Variants in STXBP6 observed in about 807,000 individuals in gnomAD.
The protein encoded by STXBP6 is syntaxin binding protein 6.
In STXBP6, 21 loss-of-function variants were observed where a neutral mutation model predicts 26.9. The ratio of observed to expected loss-of-function variants is 0.78; its 90% CI spans 0.55 to 1.12. STXBP6 has a LOEUF of 1.12. Ranked by LOEUF, STXBP6 falls within the 50% of genes most tolerant of loss-of-function variation. The pLI, the probability that STXBP6 is intolerant of heterozygous loss-of-function variation, is 0.00. For synonymous variants in STXBP6, 97 were observed against 92.6 expected (o/e 1.05, Z -0.27); for missense variants, 232 against 257.9 (o/e 0.90, Z 0.69).
intron 4 of STXBP6, among the ~76,000 whole-genome samples, chr14:24,844,075 G>C (rs2068866210): frequency 6.6e-6 from 1 of 152,150 alleles, no homozygotes; most frequent in African/African-American, 2.4e-5. Flanking sequence ...ATGGCTTAAT[G>C]ACTTAATCAA....
At chr14:24,987,766 C>G in intron 1 of STXBP6, 1 of 884,668 alleles carries the variant, frequency 1.1e-6, no homozygotes, top group Non-Finnish European at 1.4e-6. Context: ...GTCTTTCCCA[C>G]TGTGAGGTGT....
intron 2 of STXBP6, among the ~76,000 whole-genome samples, chr14:24,892,492 TG>T (rs2070827362): frequency 6.6e-6 from 1 of 152,184 alleles, no homozygotes; most frequent in African/African-American, 2.4e-5. Flanking sequence ...GAAGAAATCA[TG>T]GAGTTGCATC....
intron 1 of STXBP6, among the ~76,000 whole-genome samples, chr14:24,993,731 C>T (rs1429882588): frequency 6.6e-6 from 1 of 152,186 alleles, no homozygotes; most frequent in East Asian, 1.9e-4. Context: ...AACTCTCTTC[C>T]TGTTTTCCAG....
At chr14:24,963,284 G>A (rs150151019) in intron 2 of STXBP6, among the ~76,000 whole-genome samples, 30 of 152,302 alleles carry the variant, frequency 2.0e-4, no homozygotes, top group Non-Finnish European at 3.2e-4. Flanking sequence ...GAAAACAGAC[G>A]AGGGCGGCTA....
At chr14:24,897,388 C>T (rs747781804) in intron 2 of STXBP6, among the ~76,000 whole-genome samples, 28 of 120,660 alleles carry the variant, frequency 2.3e-4, no homozygotes, top group Middle Eastern at 0.016. Flanking sequence ...CCAGCCTGGG[C>T]GACAGAGCGA....
chr14:24,910,503 T>C (rs543187650), intron 2 of STXBP6, among the ~76,000 whole-genome samples: 1 of 152,320 alleles, frequency 6.6e-6, no homozygotes, highest in African/African-American at 2.4e-5. Context: ...AATAAATGTA[T>C]TGTGATTATC....
intron 1 of STXBP6, among the ~76,000 whole-genome samples, chr14:25,048,242 TAA>T (rs1432369771): frequency 6.6e-6 from 1 of 152,254 alleles, no homozygotes; most frequent in Non-Finnish European, 1.5e-5. Flanking sequence ...ATGGTGCTTT[TAA>T]AGTTTTCTTA....
chr14:24,819,338 A>C, intron 4 of STXBP6, 144 bp from the exon 5 acceptor site: 2 of 907,510 alleles, frequency 2.2e-6, no homozygotes, highest in South Asian at 1.5e-5. Context: ...ACAAGCCGAC[A>C]TTTCTTTTGA....
rs139894181 is a variant in STXBP6, at chr14:24,830,178, T to C, written c.452-10984A>G. Among the ~76,000 whole-genome samples the C allele has an allele frequency of 5.2e-3, 796 of 151,986 alleles. 6 individuals carry two copies. The highest frequency in any genetic ancestry group is 0.018 in the African/African-American group (739 of 41,450). ...AGAGCTAAGCAAGAGGCAGATTAGA[T>C]AGGGGCTTATAGACCATGGTAATGA... is the stretch of plus-strand genomic sequence containing the variant. On this transcript the variant is annotated intron_variant, in intron 4 of 5. Transcript: ENST00000323944.
chr14:24,962,364 CTG>C (rs2073577677), intron 2 of STXBP6, among the ~76,000 whole-genome samples: 1 of 151,566 alleles, frequency 6.6e-6, no homozygotes, highest in South Asian at 2.1e-4. Context: ...GAGTCTCACT[CTG>C]TCACCCAGCC....
At chr14:24,833,716 A>G (rs77933668) in intron 4 of STXBP6, among the ~76,000 whole-genome samples, 3,930 of 152,296 alleles carry the variant, frequency 0.026, 191 homozygotes, top group East Asian at 0.21. Flanking sequence ...TTAATTTGGG[A>G]GGATTTAAAA....
At chr14:24,827,059 G>C (rs1177228522) in intron 4 of STXBP6, among the ~76,000 whole-genome samples, 2 of 152,070 alleles carry the variant, frequency 1.3e-5, no homozygotes, top group African/African-American at 4.8e-5. Flanking sequence ...AAACTAGCTG[G>C]GCTTGGCAGT....
chr14:24,914,923 G>A (rs757907544), intron 2 of STXBP6, among the ~76,000 whole-genome samples: 4 of 152,194 alleles, frequency 2.6e-5, no homozygotes, highest in Non-Finnish European at 5.9e-5. Flanking sequence ...AAACATGCAA[G>A]TGCCAGGCAG....
chr14:25,000,795 G>C (rs2074741967), intron 1 of STXBP6, among the ~76,000 whole-genome samples: 1 of 150,916 alleles, frequency 6.6e-6, no homozygotes, highest in Non-Finnish European at 1.5e-5. Context: ...TGATCAGAGA[G>C]GCCAAGAAGA....
At chr14:24,908,665 G>T (rs1381199780) in intron 2 of STXBP6, among the ~76,000 whole-genome samples, 1 of 152,082 alleles carries the variant, frequency 6.6e-6, no homozygotes, top group Non-Finnish European at 1.5e-5. Context: ...TCCACAAATG[G>T]TCCTTCCCCT....
At chr14:24,813,486 G>A (rs1188439894) in intron 5 of STXBP6, among the ~76,000 whole-genome samples, 1 of 152,166 alleles carries the variant, frequency 6.6e-6, no homozygotes, top group East Asian at 1.9e-4. Context: ...TTTCCAAGGA[G>A]TCTATACAAT....
chr14:24,928,111 T>C (rs958875618), intron 2 of STXBP6, among the ~76,000 whole-genome samples: 1 of 152,208 alleles, frequency 6.6e-6, no homozygotes, highest in African/African-American at 2.4e-5. Flanking sequence ...CCTCGTTAGA[T>C]TGATCTGTCA....
intron 1 of STXBP6, among the ~76,000 whole-genome samples, chr14:25,009,611 C>T (rs918121069): frequency 6.6e-6 from 1 of 152,174 alleles, no homozygotes; most frequent in Non-Finnish European, 1.5e-5. Context: ...ACGTCACCTA[C>T]TCTTTGAGAA....
At position 24,825,749 on chromosome 14, in the gene STXBP6, ACT is replaced by A. The variant is rs563176957; in HGVS notation, c.452-6557_452-6556del. ...TGAGTTCATACTCTCCTCTCAATTCACTGTTTCAATCTTCTCATTGACAAGGA... is the reference window on the plus strand; with the variant it reads ...TGAGTTCATACTCTCCTCTCAATTCAGTTTCAATCTTCTCATTGACAAGGA... On this transcript the variant is annotated intron_variant, in intron 4 of 5. Coordinates refer to ENST00000323944, the MANE Select transcript of STXBP6 (RefSeq NM_001394410.1). Among the ~76,000 whole-genome samples the A allele has an allele frequency of 5.1e-3, 771 of 152,166 alleles. 10 individuals are homozygous for A. Among genetic ancestry groups the A allele is most frequent in the African/African-American group, 0.018 (738 of 41,514 alleles).
Sources: gnomAD v4.1 joint callset for allele counts (sites outside exome capture counted in the v4.1 genomes callset) on GRCh38, gnomAD v4.1.1 for gene constraint, MANE v1.5 for transcripts, NCBI Gene and HGNC (gene_info 2026-07-23, HGNC 2026-07-21) for gene names.